CDH10: variants seen among roughly 807,000 people sequenced by gnomAD.
The protein encoded by CDH10 is cadherin-10.
CDH10 carries 30 observed loss-of-function variants against 73.1 expected under a neutral mutation model. The observed-to-expected ratio is 0.41, with a 90% CI of 0.31 to 0.56. CDH10 has a LOEUF of 0.56. CDH10 is among the 20% of genes least tolerant of loss of function. CDH10 has a pLI of 0.27. For synonymous variants in CDH10, 345 were observed against 348.2 expected, an observed-to-expected ratio of 0.99 and a Z score of 0.10; for missense variants, 815 against 973.7, an observed-to-expected ratio of 0.84 and a Z score of 2.17.
At chr5:24,566,656 T>A (rs75766316) in intron 2 of CDH10, among the ~76,000 whole-genome samples, 2,196 of 152,110 alleles carry the variant, frequency 0.014, 56 homozygotes, top group African/African-American at 0.05. Flanking sequence ...CTCTATATGG[T>A]AAACAAACAA....
chr5:24,514,771 G>A (rs1381646649), intron 5 of CDH10, among the ~76,000 whole-genome samples: 1 of 151,908 alleles, frequency 6.6e-6, no homozygotes, highest in Non-Finnish European at 1.5e-5. Context: ...GAGCAAATAG[G>A]AAATGCAGCC....
intron 2 of CDH10, among the ~76,000 whole-genome samples, chr5:24,552,725 T>G (rs935555556): frequency 6.6e-5 from 10 of 152,140 alleles, no homozygotes; most frequent in African/African-American, 2.4e-4. Flanking sequence ...TATTATTTCC[T>G]TCTTTCCTCA....
intron 2 of CDH10, among the ~76,000 whole-genome samples, chr5:24,575,367 AAAAAAAGG>A (rs1227997109): frequency 1.2e-4 from 18 of 149,664 alleles, no homozygotes; most frequent in African/African-American, 4.5e-4. Flanking sequence ...AAAAAAAAAA[AAAAAAAGG>A]AAAAAAAAGA....
intron 5 of CDH10, among the ~76,000 whole-genome samples, chr5:24,524,670 C>G (rs1421552441): frequency 6.6e-6 from 1 of 151,994 alleles, no homozygotes; most frequent in East Asian, 1.9e-4. Flanking sequence ...TATGGTTACC[C>G]ATTTAAGCAC....
chr5:24,595,290 T>C (rs977111680), intron 1 of CDH10, among the ~76,000 whole-genome samples: 1 of 151,970 alleles, frequency 6.6e-6, no homozygotes, highest in African/African-American at 2.4e-5. Context: ...ACATCCACAG[T>C]AATTTGTTAG....
intron 2 of CDH10, among the ~76,000 whole-genome samples, chr5:24,556,863 T>A (rs889049408): frequency 5.9e-5 from 9 of 151,932 alleles, no homozygotes; most frequent in African/African-American, 2.2e-4. Context: ...GTGATATTAT[T>A]ACACATTCAA....
At chr5:24,523,445 G>T (rs185552052) in intron 5 of CDH10, among the ~76,000 whole-genome samples, 3 of 151,628 alleles carry the variant, frequency 2.0e-5, no homozygotes, top group African/African-American at 7.3e-5. Context: ...GAAATAATCA[G>T]TTTATGATAA....
intron 11 of CDH10, among the ~76,000 whole-genome samples, chr5:24,490,350 T>C (rs1311777813): frequency 1.3e-5 from 2 of 152,114 alleles, no homozygotes; most frequent in Non-Finnish European, 2.9e-5. Flanking sequence ...TCTCATTCTA[T>C]GAAATAAAAT....
intron 2 of CDH10, among the ~76,000 whole-genome samples, chr5:24,589,182 T>C (rs1006590282): frequency 3.9e-5 from 6 of 152,068 alleles, no homozygotes; most frequent in African/African-American, 1.2e-4. Flanking sequence ...ACTTCATGCA[T>C]AGTGGGTGTT....
chr5:24,575,969 C>T (rs1437970444), intron 2 of CDH10, among the ~76,000 whole-genome samples: 2 of 151,962 alleles, frequency 1.3e-5, no homozygotes, highest in Non-Finnish European at 2.9e-5. Flanking sequence ...TAAAAACTTA[C>T]TGTTTGTTAC....
intron 5 of CDH10, among the ~76,000 whole-genome samples, chr5:24,523,660 T>C (rs1743421412): frequency 6.6e-6 from 1 of 152,166 alleles, no homozygotes; most frequent in Non-Finnish European, 1.5e-5. Flanking sequence ...TCTGAAAATA[T>C]GTCTGCTTTA....
chr5:24,546,480 T>C (rs1027283153), intron 2 of CDH10, among the ~76,000 whole-genome samples: 2 of 152,170 alleles, frequency 1.3e-5, no homozygotes, highest in Non-Finnish European at 2.9e-5. Flanking sequence ...TCCTCCCTCA[T>C]GACATTGATT....
At chr5:24,504,189 C>T (rs1742597608) in intron 8 of CDH10, among the ~76,000 whole-genome samples, 1 of 152,072 alleles carries the variant, frequency 6.6e-6, no homozygotes, top group African/African-American at 2.4e-5. Context: ...TGCTCTGCTC[C>T]TCCCCTTTTC....
At chr5:24,558,213 T>C (rs1272872259) in intron 2 of CDH10, among the ~76,000 whole-genome samples, 2 of 151,724 alleles carry the variant, frequency 1.3e-5, no homozygotes, top group Non-Finnish European at 3.0e-5. Flanking sequence ...GGGGTCAAAT[T>C]TCTGTAATGG....
intron 1 of CDH10, among the ~76,000 whole-genome samples, chr5:24,595,453 A>G (rs1746340534): frequency 6.6e-6 from 1 of 151,990 alleles, no homozygotes; most frequent in Admixed American, 6.6e-5. Context: ...ACAGCATGAT[A>G]GATGGAAATT....
At chr5:24,509,316 T>G (rs1328421301) in intron 7 of CDH10, among the ~76,000 whole-genome samples, 3 of 134,312 alleles carry the variant, frequency 2.2e-5, no homozygotes, top group Non-Finnish European at 4.6e-5. Flanking sequence ...CTTGGCTCAC[T>G]GCAACCTCTG....
chr5:24,604,736 T>A (rs1246519262), intron 1 of CDH10, among the ~76,000 whole-genome samples: 1 of 151,354 alleles, frequency 6.6e-6, no homozygotes, highest in Non-Finnish European at 1.5e-5. Flanking sequence ...TAGCTGGGCG[T>A]GGTGGCAGGT....
At chr5:24,515,990 G>A (rs998240936) in intron 5 of CDH10, among the ~76,000 whole-genome samples, 14 of 152,162 alleles carry the variant, frequency 9.2e-5, no homozygotes, top group African/African-American at 3.1e-4. Flanking sequence ...CCAGCCATGC[G>A]TAACTGTGAG....
chr5:24,494,513 C>A (rs990847786), intron 9 of CDH10, among the ~76,000 whole-genome samples: 1 of 151,522 alleles, frequency 6.6e-6, no homozygotes, highest in South Asian at 2.1e-4. Context: ...AAAAAGTGAC[C>A]GAAATGTAAA....
Sources: gnomAD v4.1 joint callset for allele counts (sites outside exome capture counted in the v4.1 genomes callset) on GRCh38, gnomAD v4.1.1 for gene constraint, MANE v1.5 for transcripts, NCBI Gene and HGNC (gene_info 2026-07-23, HGNC 2026-07-21) for gene names.